DNMT3A: variants seen among roughly 807,000 people sequenced by gnomAD.
DNMT3A encodes the protein DNA methyltransferase 3 alpha, also known as DNA (cytosine-5)-methyltransferase 3A.
DNMT3A carries 267 observed loss-of-function variants against 117.6 expected under a neutral mutation model. The observed-to-expected ratio is 2.27, with a 90% CI of 2.05 to 2.51. DNMT3A has a LOEUF of 2.51. Among genes scored for constraint, DNMT3A ranks in the 30% most tolerant of loss-of-function variants. DNMT3A has a pLI of 0.00. For missense variants in DNMT3A, 1,029 were observed against 1,260.2 expected (o/e 0.82, Z 2.78); for synonymous variants, 432 against 474.8 (o/e 0.91, Z 1.17).
In DNMT3A at chr2:25,341,892, C is replaced by T. The variant is rs1573524720; in HGVS notation, c.-244G>A. ...GGTGCCGCGGCGCCGCGTCCCGGCT[C>T]GTCCTCTGCTCTCGCCGCCGCCGCC... On this transcript the variant is annotated 5_prime_UTR_variant, in exon 1 of 23. Transcript: ENST00000321117. 5.1e-6 allele frequency: 5 copies of T among 980,350 alleles called. No individual in the cohort carries two copies. The highest frequency in any genetic ancestry group is 6.0e-6 in the Non-Finnish European group (5 of 827,812). 60.7% of individuals were successfully genotyped at this position (980,350 alleles called of 1,614,324 possible). A position where few individuals can be genotyped will look rare whatever the true frequency, so the allele number is the denominator to read the frequency against.
rs1675732693 is a variant in DNMT3A at position 25,252,654 on chromosome 2, C to T, written c.640-4402G>A. Among the ~76,000 whole-genome samples the T allele has an allele frequency of 2.0e-5, 3 of 152,118 alleles. No homozygotes were observed. In the South Asian group the frequency reaches 6.2e-4, roughly 31 times the overall value. On this transcript the variant is annotated intron_variant, in intron 6 of 22. Coordinates refer to ENST00000321117, the MANE Select transcript of DNMT3A (RefSeq NM_022552.5). This position sits in a 1 kb window ranked among gnomAD's most constrained non-coding sequence, Gnocchi z 5.5. The stretch of plus-strand genomic sequence containing the variant: ...CGGGAGGGGAGGGAAGGGGCTGCTC[C>T]CGAGCCGCCTGCCCGGAGGGAGCCG...
intron 16 of DNMT3A, among the ~76,000 whole-genome samples, chr2:25,242,645 G>T (rs1170045831): frequency 1.3e-5 from 2 of 152,200 alleles, no homozygotes; most frequent in African/African-American, 4.8e-5. Flanking sequence ...CAGGGTCCCT[G>T]GGTTGAGACT....
At position 25,313,913 on chromosome 2, in the gene DNMT3A, C is replaced by T. The variant is rs2034255609; in HGVS notation, c.72G>A (p.Lys24=). 1 of 1,549,354 alleles carries T rather than the reference C, an allele frequency of 6.5e-7. No homozygotes were observed. Residue 24 remains lysine, a splice_region_variant and synonymous_variant, in exon 2 of 23, where the codon AAG becomes AAA. Transcript: ENST00000321117. ...SSAAEREEDR[K]DGEEQEEPRG... ...GTCCCCAGCAGAGCCCGCTGCTCACCTTTCGGTCCTCCTCCCGCTCCGCAG... is the reference window on the plus strand; with the variant it reads ...GTCCCCAGCAGAGCCCGCTGCTCACTTTTCGGTCCTCCTCCCGCTCCGCAG...
intron 6 of DNMT3A, among the ~76,000 whole-genome samples, chr2:25,270,234 C>T (rs1392591752): frequency 6.6e-6 from 1 of 152,216 alleles, no homozygotes; most frequent in African/African-American, 2.4e-5. Flanking sequence ...CTTCCTCAGC[C>T]CTCCCCTAAA....
Position 25,247,957 on chromosome 2 carries a change from A to T in DNMT3A, c.855+80T>A. ...AGCGAGCGGCCCGTGGGAGATGGAG[A>T]GAGGAGAGCAGGACGGGAGGAGCTG... On this transcript the variant is annotated intron_variant, in intron 7 of 22. Transcript: ENST00000321117. This position sits in a 1 kb window ranked among gnomAD's most constrained non-coding sequence, Gnocchi z 5.6. The T allele has an allele frequency of 5.0e-6, 8 of 1,589,470 alleles. No homozygotes were observed. Among genetic ancestry groups the T allele is most frequent in the Non-Finnish European group, 6.9e-6 (8 of 1,167,260 alleles).
rs981942843 is a variant in DNMT3A at position 25,236,351 on chromosome 2, C to T, written c.2479-526G>A. 7.9e-5 allele frequency among the ~76,000 whole-genome samples: 12 copies of T among 152,208 alleles called. No individual in the cohort carries two copies. The highest frequency in any genetic ancestry group is 2.7e-4 in the African/African-American group (11 of 41,452). ...AAGTATTGGGATTATAGGCGTGAGC[C>T]ACCGCACCCGGCCTAGCCACAGACT... On this transcript the variant is annotated intron_variant, in intron 21 of 22. Transcript: ENST00000321117. This position sits in a 1 kb window ranked among gnomAD's most constrained non-coding sequence, Gnocchi z 4.5.
At chr2:25,271,633 C>T (rs1324056362) in intron 6 of DNMT3A, among the ~76,000 whole-genome samples, 2 of 152,184 alleles carry the variant, frequency 1.3e-5, no homozygotes, top group Non-Finnish European at 2.9e-5. Flanking sequence ...AGCCCCAAGT[C>T]CCCTAGTCTG....
At chr2:25,289,205 C>T (rs576801847) in intron 3 of DNMT3A, among the ~76,000 whole-genome samples, 10 of 151,780 alleles carry the variant, frequency 6.6e-5, no homozygotes, top group Non-Finnish European at 1.3e-4. Context: ...CGGATTCAAG[C>T]GACTCTCCTG....
Position 25,231,013 on chromosome 2 carries a change from T to C in DNMT3A, c.*3266A>G, listed in dbSNP as rs1481708212. On this transcript the variant is annotated 3_prime_UTR_variant, in exon 23 of 23. Transcript: ENST00000321117. ...CCAAGTCCCAACACCAACCCTTTGG[T>C]TGGAGCACCAGGCCCAGTTCCGGTG... The C allele has an allele frequency of 6.6e-6, 1 of 152,198 alleles. No homozygotes were observed. Among genetic ancestry groups the C allele is most frequent in the African/African-American group, 2.4e-5 (1 of 41,452 alleles). The allele number at this position is 152,198 out of a possible 1,614,324, so 9.4% of individuals were successfully genotyped here. A position where few individuals can be genotyped will look rare whatever the true frequency, so the allele number is the denominator to read the frequency against.
rs767698994 is a variant in DNMT3A, at chr2:25,247,510, G to C, written c.1014+81C>G. ...ACCCACTTCCATCACCCCAATTCCA[G>C]ACTGCCCCCAGCCAAAACCACAGGC... On this transcript the variant is annotated intron_variant, in intron 8 of 22. Transcript: ENST00000321117. This position sits in a 1 kb window ranked among gnomAD's most constrained non-coding sequence, Gnocchi z 5.6. 3.8e-4 allele frequency: 587 copies of C among 1,564,284 alleles called. No homozygotes were observed. Among genetic ancestry groups the C allele is most frequent in the South Asian group, 1.1e-3 (95 of 83,488 alleles).
At chr2:25,250,115 T>A (rs551356546) in intron 6 of DNMT3A, among the ~76,000 whole-genome samples, 35 of 152,336 alleles carry the variant, frequency 2.3e-4, no homozygotes, top group African/African-American at 7.9e-4. Context: ...CTGACCTGTT[T>A]AAAAATCTGG....
At position 25,314,554 on chromosome 2, in the gene DNMT3A, C is replaced by T. The variant is rs1232117095; in HGVS notation, c.-177-393G>A. 5 of 984,688 alleles carry T rather than the reference C, an allele frequency of 5.1e-6. No individual in the cohort carries two copies. The African/African-American group carries it at 5.3e-5, about 10-fold the overall frequency. 61.0% of individuals were successfully genotyped at this position (984,688 alleles called of 1,614,324 possible). ...CCCCCAGAGGCCCCTAGCCCAGCTACGTTTTCCTTCTAATCTGTCCTCACC... is the reference window on the plus strand; with the variant it reads ...CCCCCAGAGGCCCCTAGCCCAGCTATGTTTTCCTTCTAATCTGTCCTCACC... On this transcript the variant is annotated intron_variant, in intron 1 of 22. Transcript: ENST00000321117.
intron 21 of DNMT3A, 57 bp from the exon 22 acceptor site, chr2:25,235,882 G>C: frequency 6.8e-7 from 1 of 1,469,348 alleles, no homozygotes; most frequent in Non-Finnish European, 9.5e-7. Flanking sequence ...GCCAACACTG[G>C]TCATGCGTCT....
chr2:25,243,009 TAAAG>T (rs1023558276), intron 16 of DNMT3A, among the ~76,000 whole-genome samples: 2 of 152,124 alleles, frequency 1.3e-5, no homozygotes, highest in Non-Finnish European at 2.9e-5. Flanking sequence ...CACTTACAAA[TAAAG>T]AATGTAGCTT....
In DNMT3A at chr2:25,292,866, G is replaced by A. The variant is rs548577142; in HGVS notation, c.177+7273C>T. Among the ~76,000 whole-genome samples, 156 of 152,258 alleles carry A rather than the reference G, an allele frequency of 1.0e-3. 2 individuals are homozygous for A. The highest frequency in any genetic ancestry group is 1.2e-3 in the Non-Finnish European group (82 of 68,022). On this transcript the variant is annotated intron_variant, in intron 3 of 22. Coordinates refer to ENST00000321117, the MANE Select transcript of DNMT3A (RefSeq NM_022552.5). ...TGCCGGCGCGTACCTGCAACAGGAG[G>A]AACAATGCAGGTGGAGCCCGGGCCC...
intron 6 of DNMT3A, among the ~76,000 whole-genome samples, chr2:25,274,452 TC>T (rs2031218477): frequency 6.6e-6 from 1 of 152,134 alleles, no homozygotes; most frequent in African/African-American, 2.4e-5. Flanking sequence ...TCTGGCCCTT[TC>T]TCCTTTGCCA....
At chr2:25,302,461 G>A (rs1027357191) in intron 2 of DNMT3A, among the ~76,000 whole-genome samples, 7 of 152,242 alleles carry the variant, frequency 4.6e-5, no homozygotes, top group Non-Finnish European at 8.8e-5. Context: ...CCAGGGGACT[G>A]GGGAGCCCCG....
chr2:25,234,389 C>T lies in DNMT3A; in HGVS notation c.2629G>A (p.Val877Ile), dbSNP rs1673107556. Residue 877 changes from valine (V) to isoleucine (I), a missense_variant, in exon 23 of 23, where the codon GTC (valine) becomes ATC (isoleucine). Physicochemically the swap from Val to Ile is conservative, Grantham distance 29. Transcript: ENST00000321117. The surrounding 1 kb of genome is among the most constrained non-coding windows in gnomAD (Gnocchi z 4.5). The part of the protein sequence containing the change: ...VFGFPVHYTD[V>I]SNMSRLARQR... The stretch of plus-strand genomic sequence containing the variant: ...CTCGCCAAGCGGCTCATGTTGGAGA[C>T]GTCAGTATAGTGGACTGGGAAACCA... 1 of 1,613,970 alleles carries T rather than the reference C, an allele frequency of 6.2e-7. No homozygotes were observed. The highest frequency in any genetic ancestry group is 8.5e-7 in the Non-Finnish European group (1 of 1,179,944).
chr2:25,287,738 C>CCCG lies in DNMT3A; in HGVS notation c.178-5028_178-5027insCGG, dbSNP rs1553424984. Among the ~76,000 whole-genome samples the CCCG allele has an allele frequency of 2.4e-4, 36 of 151,868 alleles. 2 individuals are homozygous for CCCG. The highest frequency in any genetic ancestry group is 8.2e-4 in the African/African-American group (34 of 41,448). Reference sequence around the variant, plus strand: ...CCACCAGACAGAGGACACCCCCGCCCCCAACAGAGATTTAGTCCAGACAAA... The same window carrying CCCG: ...CCACCAGACAGAGGACACCCCCGCCCCCGCCAACAGAGATTTAGTCCAGACAAA... On this transcript the variant is annotated intron_variant, in intron 3 of 22. Coordinates refer to ENST00000321117, the MANE Select transcript of DNMT3A (RefSeq NM_022552.5).
Sources: allele counts gnomAD v4.1 joint callset (sites outside exome capture counted in the v4.1 genomes callset), GRCh38; gene constraint gnomAD v4.1.1; non-coding constraint Gnocchi (gnomAD v3.1); transcripts MANE v1.5; gene names NCBI Gene and HGNC (gene_info 2026-07-23, HGNC 2026-07-21).